Variants in SLC26A7 observed in about 807,000 individuals in gnomAD.
The protein encoded by SLC26A7 is solute carrier family 26 member 7.
Under a neutral mutation model 82.5 loss-of-function variants are expected in SLC26A7, and 59 were observed. That is an observed-to-expected ratio of 0.72 (90% confidence interval 0.58 to 0.89). The LOEUF (loss-of-function observed/expected upper bound fraction) is 0.89. Among genes scored for constraint, SLC26A7 ranks in the 40% least tolerant of loss-of-function variants. The pLI, the probability that SLC26A7 is intolerant of heterozygous loss-of-function variation, is 0.00. For missense variants in SLC26A7, 820 were observed against 793.0 expected (o/e 1.03, Z -0.41); for synonymous variants, 271 against 274.3 (o/e 0.99, Z 0.12).
chr8:91,275,474 A>T (rs1811383677), intron 2 of SLC26A7, among the ~76,000 whole-genome samples: 1 of 151,848 alleles, frequency 6.6e-6, no homozygotes. Context: ...TTTCTTTAAA[A>T]TTTTTTGTGG....
chr8:91,262,064 C>T (rs1206370279), intron 2 of SLC26A7, among the ~76,000 whole-genome samples: 1 of 152,052 alleles, frequency 6.6e-6, no homozygotes, highest in African/African-American at 2.4e-5. Context: ...AGCAGCATTC[C>T]TCTTGGAGGA....
At chr8:91,229,234 TATG>T (rs1447169096) in intron 2 of SLC26A7, among the ~76,000 whole-genome samples, 1 of 152,202 alleles carries the variant, frequency 6.6e-6, no homozygotes, top group Non-Finnish European at 1.5e-5. Context: ...TATTTAAAGT[TATG>T]ATGCCAACCC....
At chr8:91,335,181 A>G (rs944762091) in intron 6 of SLC26A7, among the ~76,000 whole-genome samples, 4 of 152,126 alleles carry the variant, frequency 2.6e-5, no homozygotes, top group African/African-American at 9.6e-5. Context: ...TATATGATAA[A>G]TGTTGTCTAA....
chr8:91,274,370 C>T (rs1268598178), intron 2 of SLC26A7, among the ~76,000 whole-genome samples: 1 of 152,156 alleles, frequency 6.6e-6, no homozygotes, highest in Non-Finnish European at 1.5e-5. Flanking sequence ...GCTCATAGAT[C>T]TGGAGGCTGG....
chr8:91,351,563 G>T (rs1333098107), intron 9 of SLC26A7, among the ~76,000 whole-genome samples: 1 of 152,136 alleles, frequency 6.6e-6, no homozygotes, highest in Admixed American at 6.6e-5. Flanking sequence ...CTGTTTCTTT[G>T]TGTGAAATTG....
chr8:91,334,377 T>G lies in SLC26A7; in HGVS notation c.725T>G (p.Val242Gly). The change falls in exon 6 of 19, where the codon GTT (valine) becomes GGT (glycine). Residue 242 changes from valine to glycine, a missense_variant. Val to Gly is a moderately radical substitution (Grantham distance 109, BLOSUM62 -3). Coordinates refer to ENST00000276609, the MANE Select transcript of SLC26A7 (RefSeq NM_052832.4). ...TCCTTGCTGAGCATTGTGGTCCTTG[T>G]TCTTGTTAAAGAGCTGAATGAACAG... ...LLSLLSIVVL[V>G]LVKELNEQFK... 2 of 1,613,544 alleles carry G rather than the reference T, an allele frequency of 1.2e-6. No homozygotes were observed. The highest frequency in any genetic ancestry group is 1.7e-6 in the Non-Finnish European group (2 of 1,179,618).
intron 5 of SLC26A7, among the ~76,000 whole-genome samples, chr8:91,330,791 C>T (rs756294141): frequency 3.3e-5 from 5 of 152,166 alleles, no homozygotes; most frequent in Non-Finnish European, 5.9e-5. Flanking sequence ...GAGCTGTTAA[C>T]ATTCCAGATA....
intron 4 of SLC26A7, among the ~76,000 whole-genome samples, chr8:91,312,966 C>G (rs76998389): frequency 0.011 from 1,703 of 152,112 alleles, 29 homozygotes; most frequent in African/African-American, 0.039. Context: ...TTGATAGAGT[C>G]TTTAGATGCA....
At chr8:91,380,179 T>TCAGA (rs1380311737) in intron 15 of SLC26A7, among the ~76,000 whole-genome samples, 1 of 152,050 alleles carries the variant, frequency 6.6e-6, no homozygotes, top group Non-Finnish European at 1.5e-5. Context: ...ACAAGAAGTC[T>TCAGA]CCTACAAAGT....
chr8:91,325,898 G>A (rs2130818743), intron 5 of SLC26A7, among the ~76,000 whole-genome samples: 1 of 152,302 alleles, frequency 6.6e-6, no homozygotes, highest in South Asian at 2.1e-4. Context: ...CAGGACACAA[G>A]TCTCTGGAGC....
At chr8:91,313,366 G>A (rs1318645077) in intron 4 of SLC26A7, among the ~76,000 whole-genome samples, 1 of 152,070 alleles carries the variant, frequency 6.6e-6, no homozygotes, top group Non-Finnish European at 1.5e-5. Flanking sequence ...GTACCACACT[G>A]CTTTGATTAC....
At chr8:91,324,256 G>A (rs187563984) in intron 5 of SLC26A7, among the ~76,000 whole-genome samples, 3 of 152,352 alleles carry the variant, frequency 2.0e-5, no homozygotes, top group Admixed American at 2.0e-4. Context: ...GTTGACAAGA[G>A]ACATCAAATT....
intron 4 of SLC26A7, among the ~76,000 whole-genome samples, chr8:91,316,241 G>T (rs117466522): frequency 2.6e-5 from 4 of 151,732 alleles, no homozygotes; most frequent in African/African-American, 9.7e-5. Context: ...CCTTCCCTCC[G>T]ATTTCTTTAA....
intron 11 of SLC26A7, among the ~76,000 whole-genome samples, chr8:91,358,274 G>T (rs1327210987): frequency 1.3e-5 from 2 of 151,640 alleles, no homozygotes; most frequent in East Asian, 1.9e-4. Flanking sequence ...ATACCCAAAG[G>T]AATATAAATC....
chr8:91,277,436 TA>T (rs1341320461), intron 2 of SLC26A7, among the ~76,000 whole-genome samples: 1 of 152,230 alleles, frequency 6.6e-6, no homozygotes, highest in African/African-American at 2.4e-5. Flanking sequence ...TGTAAAATTT[TA>T]AAAGTAAGAT....
chr8:91,306,016 G>A (rs536898606), intron 4 of SLC26A7, among the ~76,000 whole-genome samples: 26 of 152,266 alleles, frequency 1.7e-4, no homozygotes, highest in South Asian at 4.1e-4. Flanking sequence ...ACTCACTCCT[G>A]TAAAACTCCC....
chr8:91,330,292 A>G (rs1813043695), intron 5 of SLC26A7, among the ~76,000 whole-genome samples: 1 of 152,196 alleles, frequency 6.6e-6, no homozygotes, highest in Non-Finnish European at 1.5e-5. Context: ...TTCAATATGC[A>G]GAATTCAGGC....
intron 2 of SLC26A7, among the ~76,000 whole-genome samples, chr8:91,224,998 C>G (rs1586303747): frequency 6.6e-6 from 1 of 152,180 alleles, no homozygotes; most frequent in South Asian, 2.1e-4. Flanking sequence ...GCTGTGGGGA[C>G]AAGAATTGGG....
chr8:91,352,960 T>G lies in SLC26A7; in HGVS notation c.1278T>G (p.Asp426Glu), dbSNP rs762416675. The change falls in exon 11 of 19, where the codon GAT (aspartate) becomes GAG (glutamate). Residue 426 changes from aspartate (D) to glutamate (E), a missense_variant. Coordinates refer to ENST00000276609, the MANE Select transcript of SLC26A7 (RefSeq NM_052832.4). ...GLKGMLIQFR[D>E]LKKYWNVDKI... The stretch of plus-strand genomic sequence containing the variant: ...AGGGAATGCTAATACAGTTCCGAGA[T>G]TTAAAAAAATATTGGAATGTGGATA... 1 of 1,609,098 alleles carries G rather than the reference T, an allele frequency of 6.2e-7. No homozygotes were observed. Among genetic ancestry groups the G allele is most frequent in the Non-Finnish European group, 8.5e-7 (1 of 1,177,500 alleles).
Sources: allele counts gnomAD v4.1 joint callset (sites outside exome capture counted in the v4.1 genomes callset), GRCh38; gene constraint gnomAD v4.1.1; transcripts MANE v1.5; gene names NCBI Gene and HGNC (gene_info 2026-07-23, HGNC 2026-07-21).